The following INSIG1 variants were observed in gnomAD, a reference collection of about 807,000 sequenced individuals.
The protein encoded by INSIG1 is insulin-induced gene 1 protein.
In INSIG1, 14 loss-of-function variants were observed where a neutral mutation model predicts 26.5. That is an observed-to-expected ratio of 0.53 (90% CI 0.35 to 0.83). The LOEUF (loss-of-function observed/expected upper bound fraction) is 0.83, where lower values mean the gene tolerates loss of function less well. Ranked by LOEUF, INSIG1 falls within the 40% of genes least tolerant of loss-of-function variation. The pLI, the probability that INSIG1 is intolerant of heterozygous loss-of-function variation, is 0.01. For synonymous variants in INSIG1, 147 were observed against 153.3 expected (o/e 0.96, Z 0.30); for missense variants, 272 against 368.9 (o/e 0.74, Z 2.15).
chr7:155,309,182 A>G lies in INSIG1; in HGVS notation c.*912A>G, dbSNP rs1798019296. 1 of 152,606 alleles carries G rather than the reference A, an allele frequency of 6.6e-6. No homozygotes were observed. Among genetic ancestry groups the G allele is most frequent in the Non-Finnish European group, 1.5e-5 (1 of 68,040 alleles). The allele number at this position is 152,606 out of a possible 1,614,324, so 9.5% of individuals were successfully genotyped here. On this transcript the variant is annotated 3_prime_UTR_variant, in exon 6 of 6. Coordinates refer to ENST00000340368, the MANE Select transcript of INSIG1 (RefSeq NM_005542.6). Reference sequence around the variant, plus strand: ...TTGTAAAAAGGAGAGTGCATATGGCACTGCATTAAACGTGTGGTGTTTCTA... The same window carrying G: ...TTGTAAAAAGGAGAGTGCATATGGCGCTGCATTAAACGTGTGGTGTTTCTA...
At position 155,303,072 on chromosome 7, in the gene INSIG1, C is replaced by T. The variant is rs1187069511; in HGVS notation, c.804+226C>T. 5 of 404,224 alleles carry T rather than the reference C, an allele frequency of 1.2e-5. No individual in the cohort carries two copies. The East Asian group carries it at 1.3e-4, about 11-fold the overall frequency. The allele number at this position is 404,224 out of a possible 1,614,324, so 25.0% of individuals were successfully genotyped here. Reference sequence around the variant, plus strand: ...GATCTAGAAAAGGAACTAGAGCCCTCGCACTGCCCCTTTGAATTGCAGATG... The same window carrying T: ...GATCTAGAAAAGGAACTAGAGCCCTTGCACTGCCCCTTTGAATTGCAGATG... On this transcript the variant is annotated intron_variant, in intron 5 of 5. Coordinates refer to ENST00000340368, the MANE Select transcript of INSIG1 (RefSeq NM_005542.6).
intron 5 of INSIG1, among the ~76,000 whole-genome samples, chr7:155,306,248 C>T (rs1294763247): frequency 6.6e-6 from 1 of 152,264 alleles, no homozygotes; most frequent in South Asian, 2.1e-4. Flanking sequence ...GATCCACCTG[C>T]CTCTGCCTCC....
chr7:155,302,426 G>T lies in INSIG1; in HGVS notation c.704+9G>T. 1 of 1,566,366 alleles carries T rather than the reference G, an allele frequency of 6.4e-7. No homozygotes were observed. Among genetic ancestry groups the T allele is most frequent in the Non-Finnish European group, 8.6e-7 (1 of 1,157,838 alleles). ...TATAATGGTGTCTATCAGTAAGTGT[G>T]TGTTTTCAAATATTGGCTTTGGAAA... On this transcript the variant is annotated intron_variant, in intron 4 of 5. Coordinates refer to ENST00000340368, the MANE Select transcript of INSIG1 (RefSeq NM_005542.6). The surrounding 1 kb of genome is among the most constrained non-coding windows in gnomAD (Gnocchi z 4.3).
Position 155,302,187 on chromosome 7 carries a change from T to C in INSIG1, c.538-64T>C, listed in dbSNP as rs189216899. ...AAAATACCCATGTTTTTAACCCTTGTGGTTTTACGTTTTTTTATCTTAATA... is the reference window on the plus strand; with the variant it reads ...AAAATACCCATGTTTTTAACCCTTGCGGTTTTACGTTTTTTTATCTTAATA... On this transcript the variant is annotated intron_variant, in intron 3 of 5. Coordinates refer to ENST00000340368, the MANE Select transcript of INSIG1 (RefSeq NM_005542.6). This position sits in a 1 kb window ranked among gnomAD's most constrained non-coding sequence, Gnocchi z 4.3. 6.6e-5 allele frequency: 86 copies of C among 1,311,398 alleles called. 1 individual carries two copies. In the Admixed American group the frequency reaches 1.9e-3, roughly 29 times the overall value. The allele number at this position is 1,311,398 out of a possible 1,614,324, so 81.2% of individuals were successfully genotyped here.
At chr7:155,301,326 C>G (rs1797778339) in intron 2 of INSIG1, among the ~76,000 whole-genome samples, 1 of 152,130 alleles carries the variant, frequency 6.6e-6, no homozygotes, top group Admixed American at 6.5e-5. Context: ...CCTGTGTTTA[C>G]TGAGACATGT....
At chr7:155,304,056 C>T (rs768223691) in intron 5 of INSIG1, among the ~76,000 whole-genome samples, 3 of 150,232 alleles carry the variant, frequency 2.0e-5, no homozygotes, top group Non-Finnish European at 4.4e-5. Context: ...CTTGAGCTCC[C>T]GGACTCAAGC....
rs1390678688 is a variant in INSIG1, at chr7:155,301,669, T to C, written c.516T>C (p.Val172=). Residue 172 remains valine (V), a synonymous_variant, in exon 3 of 6, where the codon GTT becomes GTC. Transcript: ENST00000340368. Reference sequence around the variant, plus strand: ...TCATGCGCTGCATAGCAGTTTTTGTTGGCATTAACCACGCCAGTGCTGTAT... The same window carrying C: ...TCATGCGCTGCATAGCAGTTTTTGTCGGCATTAACCACGCCAGTGCTGTAT... ...ASVMRCIAVF[V]GINHASAKLD... 9.4e-6 allele frequency: 15 copies of C among 1,602,002 alleles called. No individual in the cohort carries two copies. The highest frequency in any genetic ancestry group is 5.0e-5 in the Admixed American group (3 of 59,794).
In INSIG1 at chr7:155,308,476, G is replaced by T. The variant is rs183081599; in HGVS notation, c.*206G>T. On this transcript the variant is annotated 3_prime_UTR_variant, in exon 6 of 6. Coordinates refer to ENST00000340368, the MANE Select transcript of INSIG1 (RefSeq NM_005542.6). The stretch of plus-strand genomic sequence containing the variant: ...CCCTGAAGTCTTCCCTTGACTGCCC[G>T]CACTGGCGCCTGTCTGTGCCCTGGA... 3 of 648,934 alleles carry T rather than the reference G, an allele frequency of 4.6e-6. No homozygotes were observed. The highest frequency in any genetic ancestry group is 2.2e-5 in the Admixed American group (1 of 44,812). 40.2% of individuals were successfully genotyped at this position (648,934 alleles called of 1,614,324 possible).
At chr7:155,301,820 G>A (rs1797792929) in intron 3 of INSIG1, 130 bp downstream of exon 3, 1 of 813,308 alleles carries the variant, frequency 1.2e-6, no homozygotes, top group Non-Finnish European at 1.7e-6. Context: ...ACCCATTTCA[G>A]ATTACTAAAA....
At chr7:155,299,400 C>G (rs1272785402) in intron 2 of INSIG1, among the ~76,000 whole-genome samples, 2 of 152,176 alleles carry the variant, frequency 1.3e-5, no homozygotes, top group Non-Finnish European at 2.9e-5. Context: ...GGTGTGTGTA[C>G]TAGACTTTCT....
rs1797812458 is a variant in INSIG1, at chr7:155,302,344, C to G, written c.631C>G (p.Leu211Val). The change falls in exon 4 of 6, where the codon CTT becomes GTT. Residue 211 changes from leucine to valine, a missense_variant. By Grantham distance (32) the Leu-to-Val change is conservative. Around this residue, in one of 2 missense-constraint regions of INSIG1, gnomAD observed 111 missense variants for 189.8 expected, o/e 0.58. Coordinates refer to ENST00000340368, the MANE Select transcript of INSIG1 (RefSeq NM_005542.6). The surrounding 1 kb of genome is among the most constrained non-coding windows in gnomAD (Gnocchi z 4.3). ...WWTFDRSRSG[L>V]GLGITIAFLA... ...GACATTTGATCGTTCCAGAAGTGGC[C>G]TTGGGCTGGGGATCACCATAGCTTT... 3 of 1,611,914 alleles carry G rather than the reference C, an allele frequency of 1.9e-6. No individual in the cohort carries two copies. The highest frequency in any genetic ancestry group is 2.5e-6 in the Non-Finnish European group (3 of 1,179,058).
chr7:155,307,992 G>C (rs1330959556), intron 5 of INSIG1, among the ~76,000 whole-genome samples: 2 of 152,190 alleles, frequency 1.3e-5, no homozygotes, highest in East Asian at 1.9e-4. Flanking sequence ...CTGAGGCAGA[G>C]AATTATCCTA....
At chr7:155,305,437 CGTG>C (rs1380516564) in intron 5 of INSIG1, among the ~76,000 whole-genome samples, 1 of 152,162 alleles carries the variant, frequency 6.6e-6, no homozygotes, top group African/African-American at 2.4e-5. Flanking sequence ...AGGTTGCATT[CGTG>C]GTGCGTGTTT....
intron 5 of INSIG1, among the ~76,000 whole-genome samples, chr7:155,305,790 C>T (rs149279465): frequency 6.6e-6 from 1 of 152,318 alleles, no homozygotes; most frequent in African/African-American, 2.4e-5. Flanking sequence ...CTAACTTATG[C>T]TTCCCTCCCT....
At position 155,302,716 on chromosome 7, in the gene INSIG1, T is replaced by A. The variant is rs376491438; in HGVS notation, c.705-31T>A. On this transcript the variant is annotated intron_variant, in intron 4 of 5. Coordinates refer to ENST00000340368, the MANE Select transcript of INSIG1 (RefSeq NM_005542.6). The surrounding 1 kb of genome is among the most constrained non-coding windows in gnomAD (Gnocchi z 4.3). ...TAGAATTGAGCCAGGTGAAATTGAC[T>A]GCTAAGGTACAGTTTCTTTTCTCGC... is the stretch of plus-strand genomic sequence containing the variant. The A allele has an allele frequency of 8.8e-5, 127 of 1,440,452 alleles. No homozygotes were observed. Among genetic ancestry groups the A allele is most frequent in the Non-Finnish European group, 1.2e-4 (125 of 1,023,190 alleles). 89.2% of individuals were successfully genotyped at this position (1,440,452 alleles called of 1,614,324 possible). A position where few individuals can be genotyped will look rare whatever the true frequency, so the allele number is the denominator to read the frequency against.
rs538562956 is a variant in INSIG1 at position 155,309,801 on chromosome 7, G to T, written c.*1531G>T. 6.6e-6 allele frequency: 1 copy of T among 152,300 alleles called. No homozygotes were observed. Among genetic ancestry groups the T allele is most frequent in the South Asian group, 2.1e-4 (1 of 4,828 alleles). The allele number at this position is 152,300 out of a possible 1,614,324, so 9.4% of individuals were successfully genotyped here. On this transcript the variant is annotated 3_prime_UTR_variant, in exon 6 of 6. Transcript: ENST00000340368. ...GGAATTTTGTTTTTTAAAAAAATAG[G>T]ATCATTCTGAACTTTGGAATGACCC...
In INSIG1 at chr7:155,308,162, C is replaced by A. The variant is rs903840388; in HGVS notation, c.805-79C>A. 6 of 731,874 alleles carry A rather than the reference C, an allele frequency of 8.2e-6. No homozygotes were observed. In the African/African-American group the frequency reaches 8.9e-5, roughly 11 times the overall value. The allele number at this position is 731,874 out of a possible 1,614,324, so 45.3% of individuals were successfully genotyped here. On this transcript the variant is annotated intron_variant, in intron 5 of 5. Coordinates refer to ENST00000340368, the MANE Select transcript of INSIG1 (RefSeq NM_005542.6). Reference sequence around the variant, plus strand: ...GTGTCAATCTTTCCCATGTTAGGACCTACTTAATTGGTAATTAAAATATTT... The same window carrying A: ...GTGTCAATCTTTCCCATGTTAGGACATACTTAATTGGTAATTAAAATATTT...
rs11772189 is a variant in INSIG1 at position 155,302,883 on chromosome 7, G to T, written c.804+37G>T. 330,719 of 1,363,912 alleles carry T rather than the reference G, an allele frequency of 0.24. 43,333 individuals are homozygous for T. The highest frequency in any genetic ancestry group is 0.28 in the Non-Finnish European group (265,691 of 954,152). The allele number at this position is 1,363,912 out of a possible 1,614,324, so 84.5% of individuals were successfully genotyped here. A position where few individuals can be genotyped will look rare whatever the true frequency, so the allele number is the denominator to read the frequency against. On this transcript the variant is annotated intron_variant, in intron 5 of 5. Coordinates refer to ENST00000340368, the MANE Select transcript of INSIG1 (RefSeq NM_005542.6). This position sits in a 1 kb window ranked among gnomAD's most constrained non-coding sequence, Gnocchi z 4.3. ...GATCATATTATCTTCTAAAACTTGC[G>T]TCTCTTTACCTTGATAGAATGACTT...
In INSIG1 at chr7:155,310,183, C is replaced by A. The variant is rs1026340044; in HGVS notation, c.*1913C>A. 2.0e-5 allele frequency: 3 copies of A among 152,590 alleles called. No individual in the cohort carries two copies. The highest frequency in any genetic ancestry group is 7.2e-5 in the African/African-American group (3 of 41,434). 9.5% of individuals were successfully genotyped at this position (152,590 alleles called of 1,614,324 possible). A position where few individuals can be genotyped will look rare whatever the true frequency, so the allele number is the denominator to read the frequency against. ...GTTCACATTCATACTAAGTTTTCAA[C>A]ATTGTGTTCTTTTTGCATTCATTTT... On this transcript the variant is annotated 3_prime_UTR_variant, in exon 6 of 6. Coordinates refer to ENST00000340368, the MANE Select transcript of INSIG1 (RefSeq NM_005542.6).
Sources: gnomAD v4.1 joint callset for allele counts (sites outside exome capture counted in the v4.1 genomes callset) on GRCh38, gnomAD v4.1.1 for gene constraint, gnomAD v4.1.1 regional missense constraint, Gnocchi (gnomAD v3.1) non-coding constraint, MANE v1.5 for transcripts, NCBI Gene and HGNC (gene_info 2026-07-23, HGNC 2026-07-21) for gene names.